The following FTO variants were observed in gnomAD, a reference collection of about 807,000 sequenced individuals.
FTO encodes alpha-ketoglutarate-dependent dioxygenase FTO.
In FTO, 47 loss-of-function variants were observed where a neutral mutation model predicts 63.9. The ratio of observed to expected loss-of-function variants is 0.74; its 90% CI spans 0.58 to 0.94. The LOEUF is 0.94. FTO is among the 40% of genes least tolerant of loss of function. The pLI is 0.00. For synonymous variants in FTO, 207 were observed against 224.4 expected (o/e 0.92, Z 0.69); for missense variants, 562 against 618.1 (o/e 0.91, Z 0.96).
At chr16:53,755,847 A>C (rs897928274) in intron 1 of FTO, among the ~76,000 whole-genome samples, 3 of 152,074 alleles carry the variant, frequency 2.0e-5, no homozygotes, top group Non-Finnish European at 4.4e-5. Flanking sequence ...CTGGACTTGG[A>C]TCTTGAAGGT....
At chr16:53,838,546 A>C (rs1277934871) in intron 3 of FTO, among the ~76,000 whole-genome samples, 1 of 152,164 alleles carries the variant, frequency 6.6e-6, no homozygotes, top group African/African-American at 2.4e-5. Context: ...CCTGACTTCA[A>C]GTGGTCTGCC....
chr16:53,738,951 C>T (rs544741785), intron 1 of FTO, among the ~76,000 whole-genome samples: 1 of 151,970 alleles, frequency 6.6e-6, no homozygotes, highest in African/African-American at 2.4e-5. Context: ...AGCAGTCTTT[C>T]CACCTCAGCC....
chr16:53,999,163 A>G (rs11646488), intron 8 of FTO, among the ~76,000 whole-genome samples: 24,943 of 152,150 alleles, frequency 0.16, 2,374 homozygotes, highest in Admixed American at 0.29. Flanking sequence ...GCTGATGCTT[A>G]CTGAAGAAGC....
intron 8 of FTO, among the ~76,000 whole-genome samples, chr16:54,014,253 G>T (rs1324174798): frequency 6.6e-6 from 1 of 152,174 alleles, no homozygotes; most frequent in Admixed American, 6.5e-5. Context: ...AATTTTAGAG[G>T]TAGGATATAG....
chr16:53,873,634 G>T, intron 4 of FTO, 152 bp from the exon 5 acceptor site: 1 of 616,646 alleles, frequency 1.6e-6, no homozygotes, highest in Non-Finnish European at 2.9e-6. Context: ...ATAAGGGATT[G>T]ATTAAAGAAT....
At chr16:54,006,659 C>G (rs2084213997) in intron 8 of FTO, among the ~76,000 whole-genome samples, 1 of 152,218 alleles carries the variant, frequency 6.6e-6, no homozygotes, top group Admixed American at 6.5e-5. Context: ...AGACAAAACT[C>G]TTATGCCACT....
chr16:53,712,083 A>T (rs2075788742), intron 1 of FTO, among the ~76,000 whole-genome samples: 1 of 152,154 alleles, frequency 6.6e-6, no homozygotes, highest in Admixed American at 6.5e-5. Flanking sequence ...ACAGAGTGAG[A>T]CCCTGTCTCT....
rs1160916896 is a variant in FTO at position 54,114,801 on chromosome 16, A to T, written c.*2886A>T. 2 of 152,534 alleles carry T rather than the reference A, an allele frequency of 1.3e-5. No individual in the cohort carries two copies. Among genetic ancestry groups the T allele is most frequent in the Non-Finnish European group, 2.9e-5 (2 of 68,322 alleles). 9.4% of individuals were successfully genotyped at this position (152,534 alleles called of 1,614,324 possible). Reference sequence around the variant, plus strand: ...GTGCCTGTAATCCCAGCTACTCGGGAGGCTGAGGCAGGCAAATCGCTTGGC... The same window carrying T: ...GTGCCTGTAATCCCAGCTACTCGGGTGGCTGAGGCAGGCAAATCGCTTGGC... On this transcript the variant is annotated 3_prime_UTR_variant, in exon 9 of 9. Coordinates refer to ENST00000471389, the MANE Select transcript of FTO (RefSeq NM_001080432.3).
chr16:54,086,223 C>CA (rs1216038642), intron 8 of FTO, among the ~76,000 whole-genome samples: 1 of 152,134 alleles, frequency 6.6e-6, no homozygotes, highest in African/African-American at 2.4e-5. Flanking sequence ...GTTATTGGAA[C>CA]AAAAATAACC....
intron 5 of FTO, among the ~76,000 whole-genome samples, chr16:53,879,042 T>A (rs1247242677): frequency 6.6e-6 from 1 of 152,214 alleles, no homozygotes; most frequent in Non-Finnish European, 1.5e-5. Flanking sequence ...TTTATTGTGC[T>A]TTTGAACCAG....
intron 8 of FTO, chr16:53,992,854 G>C (rs551362054): frequency 4.5e-4 from 68 of 152,322 alleles, no homozygotes; most frequent in African/African-American, 1.3e-3. Flanking sequence ...ATATGGTCAT[G>C]AAGAAGGTTC....
chr16:54,080,851 G>T (rs1372889687), intron 8 of FTO, among the ~76,000 whole-genome samples: 1 of 152,142 alleles, frequency 6.6e-6, no homozygotes, highest in African/African-American at 2.4e-5. Context: ...AGTATACTTT[G>T]ACTTATGCAT....
chr16:53,851,918 T>G (rs979285602), intron 4 of FTO, among the ~76,000 whole-genome samples: 17 of 152,036 alleles, frequency 1.1e-4, no homozygotes, highest in Admixed American at 8.5e-4. Context: ...TATTTGCGTT[T>G]TATTCTTTGA....
At chr16:53,763,273 T>C (rs1054825961) in intron 1 of FTO, among the ~76,000 whole-genome samples, 1 of 152,210 alleles carries the variant, frequency 6.6e-6, no homozygotes, top group African/African-American at 2.4e-5. Context: ...AGGATGAACC[T>C]TTTAAGATTT....
chr16:53,990,008 T>C (rs1172974363), intron 8 of FTO, among the ~76,000 whole-genome samples: 1 of 151,382 alleles, frequency 6.6e-6, no homozygotes, highest in East Asian at 1.9e-4. Flanking sequence ...CAGTATAGAA[T>C]GTGTGTGTAC....
intron 1 of FTO, among the ~76,000 whole-genome samples, chr16:53,787,312 A>C (rs1208631247): frequency 6.6e-6 from 1 of 151,426 alleles, no homozygotes. Context: ...GGAAGTGGGA[A>C]AGCAGGTTAA....
intron 8 of FTO, among the ~76,000 whole-genome samples, chr16:53,938,377 C>G (rs572099649): frequency 1.3e-5 from 2 of 152,204 alleles, no homozygotes; most frequent in Non-Finnish European, 2.9e-5. Context: ...ATTTATTTAT[C>G]GCTAATTGAT....
chr16:53,844,225 T>C lies in FTO; in HGVS notation c.822T>C (p.Phe274=). 1 of 1,613,576 alleles carries C rather than the reference T, an allele frequency of 6.2e-7. No individual in the cohort carries two copies. The highest frequency in any genetic ancestry group is 8.5e-7 in the Non-Finnish European group (1 of 1,179,490). Residue 274 remains phenylalanine, a synonymous_variant, in exon 4 of 9, where the codon TTT becomes TTC. Coordinates refer to ENST00000471389, the MANE Select transcript of FTO (RefSeq NM_001080432.3). ...ATCCTGATATTTGGCATGTTGGTTT[T>C]AAGATCTCATGGGACATAGAGACAC... ...GRDPDIWHVG[F]KISWDIETPG... is the part of the protein sequence containing the mutation.
chr16:53,722,189 G>T (rs1402795546), intron 1 of FTO, among the ~76,000 whole-genome samples: 1 of 152,044 alleles, frequency 6.6e-6, no homozygotes, highest in Non-Finnish European at 1.5e-5. Context: ...TTTGTGTATG[G>T]TACATTTACT....
Sources: gnomAD v4.1 joint callset for allele counts (sites outside exome capture counted in the v4.1 genomes callset) on GRCh38, gnomAD v4.1.1 for gene constraint, MANE v1.5 for transcripts, NCBI Gene and HGNC (gene_info 2026-07-23, HGNC 2026-07-21) for gene names.